Variants in RSPH14 observed in about 807,000 individuals in gnomAD.
The protein encoded by RSPH14 is rhabdoid tumor deletion region gene 1.
A neutral mutation model predicts 26.7 loss-of-function variants in RSPH14; 20 were observed. That is an observed-to-expected ratio of 0.75 (90% CI 0.53 to 1.09). The LOEUF (loss-of-function observed/expected upper bound fraction) is 1.09. Ranked by LOEUF, RSPH14 falls within the 50% of genes least tolerant of loss-of-function variation. The pLI, the probability that RSPH14 is intolerant of heterozygous loss-of-function variation, is 0.00. For synonymous variants in RSPH14, 177 were observed against 189.3 expected (o/e 0.93, Z 0.53); for missense variants, 449 against 457.2 (o/e 0.98, Z 0.16).
the RSPH14 span, among the ~76,000 whole-genome samples, chr22:23,178,446 G>A: frequency 2.6e-4 from 40 of 151,868 alleles, no homozygotes; most frequent in Middle Eastern, 3.4e-3. Context: ...CACTGAGGAT[G>A]AGAGCACTGC....
intron 2 of RSPH14, among the ~76,000 whole-genome samples, chr22:23,139,669 T>C (rs2070555217): frequency 6.6e-6 from 1 of 152,232 alleles, no homozygotes; most frequent in Admixed American, 6.5e-5. Flanking sequence ...TTTATTTATT[T>C]ATTGGGCAAC....
chr22:23,064,402 G>C (rs2068159992), intron 4 of RSPH14, among the ~76,000 whole-genome samples: 1 of 152,162 alleles, frequency 6.6e-6, no homozygotes, highest in South Asian at 2.1e-4. Context: ...TGTCTCAGGG[G>C]GCATCTACCA....
intron 4 of RSPH14, among the ~76,000 whole-genome samples, chr22:23,074,459 T>A (rs1299291613): frequency 1.3e-5 from 2 of 152,198 alleles, no homozygotes; most frequent in East Asian, 3.9e-4. Flanking sequence ...AAAAACCCAT[T>A]CTGGAGAGGT....
At chr22:23,062,728 C>A (rs183263939) in intron 5 of RSPH14, among the ~76,000 whole-genome samples, 5 of 152,238 alleles carry the variant, frequency 3.3e-5, no homozygotes, top group African/African-American at 1.2e-4. Context: ...TGGGCCTCAA[C>A]CCCGAAGCCC....
upstream of RSPH14, among the ~76,000 whole-genome samples, chr22:23,142,941 G>A (rs1251415587): frequency 1.3e-5 from 2 of 152,116 alleles, no homozygotes; most frequent in African/African-American, 2.4e-5. Context: ...ATGCCACCTC[G>A]CTCATGAAGC....
upstream of RSPH14, among the ~76,000 whole-genome samples, chr22:23,149,745 G>A (rs527629487): frequency 6.6e-5 from 10 of 152,284 alleles, no homozygotes; most frequent in African/African-American, 9.6e-5. Flanking sequence ...AGCTCCACTC[G>A]TCTCGCCCTG....
intron 1 of RSPH14, 89 bp from the exon 2 acceptor site, chr22:23,140,561 T>C: frequency 1.5e-6 from 2 of 1,364,866 alleles, no homozygotes; most frequent in Non-Finnish European, 1.9e-6. Flanking sequence ...GGCAGGCAAA[T>C]GGGTATTTTT....
At chr22:23,110,578 A>G (rs1053097725) in intron 4 of RSPH14, among the ~76,000 whole-genome samples, 2 of 152,164 alleles carry the variant, frequency 1.3e-5, no homozygotes, top group Non-Finnish European at 2.9e-5. Context: ...CCACCACCTG[A>G]GCAGATGGGC....
Position 23,141,972 on chromosome 22 carries a change from TCCAGTAGC to T in RSPH14, c.-84_-77del. 1 of 985,586 alleles carries T rather than the reference TCCAGTAGC, an allele frequency of 1.0e-6. No homozygotes were observed. The highest frequency in any genetic ancestry group is 1.2e-6 in the Non-Finnish European group (1 of 830,078). The allele number at this position is 985,586 out of a possible 1,614,324, so 61.1% of individuals were successfully genotyped here. On this transcript the variant is annotated 5_prime_UTR_variant, in exon 1 of 7. Transcript: ENST00000216036. ...ACCTGCCTCCGCAGCCCTTTCTGCTTCCAGTAGCCCGCGCCACTGGCCAACCTATTCAG... is the reference window on the plus strand; with the variant it reads ...ACCTGCCTCCGCAGCCCTTTCTGCTTCCGCGCCACTGGCCAACCTATTCAG...
intron 4 of RSPH14, among the ~76,000 whole-genome samples, chr22:23,108,839 G>C (rs1020591769): frequency 6.6e-6 from 1 of 152,242 alleles, no homozygotes; most frequent in Non-Finnish European, 1.5e-5. Context: ...GAGAGGTGGT[G>C]TCCCTATTTG....
Position 23,067,236 on chromosome 22 carries a change from C to T in RSPH14, c.422-3103G>A, listed in dbSNP as rs188614958. On this transcript the variant is annotated intron_variant, in intron 4 of 6. Coordinates refer to ENST00000216036, the MANE Select transcript of RSPH14 (RefSeq NM_014433.3). ...TCATTTTCTTTGTGGTGGGGCAGGGCGGGTGCTGACACCATGTTGAGGGGC... is the reference window on the plus strand; with the variant it reads ...TCATTTTCTTTGTGGTGGGGCAGGGTGGGTGCTGACACCATGTTGAGGGGC... Among the ~76,000 whole-genome samples, 195 of 152,190 alleles carry T rather than the reference C, an allele frequency of 1.3e-3. 1 individual carries two copies. The highest frequency in any genetic ancestry group is 4.5e-3 in the African/African-American group (187 of 41,506).
chr22:23,105,611 G>A (rs1275180939), intron 4 of RSPH14, among the ~76,000 whole-genome samples: 1 of 152,228 alleles, frequency 6.6e-6, no homozygotes, highest in Non-Finnish European at 1.5e-5. Flanking sequence ...GGATCCTCTG[G>A]AGCTGAAACT....
At chr22:23,104,109 G>T (rs1381147911) in intron 4 of RSPH14, among the ~76,000 whole-genome samples, 1 of 152,014 alleles carries the variant, frequency 6.6e-6, no homozygotes, top group African/African-American at 2.4e-5. Context: ...CAAGGCTGTG[G>T]GGGAGCAGTG....
rs886248628 is a variant in RSPH14, at chr22:23,110,862, G to C, written c.421+23164C>G. ...GACCCAAGGGCCCACCACACTCTGA[G>C]GCTGGCGAGCACACGGGGCAACTCA... On this transcript the variant is annotated intron_variant, in intron 4 of 6. Coordinates refer to ENST00000216036, the MANE Select transcript of RSPH14 (RefSeq NM_014433.3). Among the ~76,000 whole-genome samples the C allele has an allele frequency of 2.6e-5, 4 of 152,328 alleles. No individual in the cohort carries two copies. The South Asian group carries it at 8.3e-4, about 32-fold the overall frequency.
chr22:23,064,137 C>A lies in RSPH14; in HGVS notation c.422-4G>T, dbSNP rs767960534. 3.7e-6 allele frequency: 6 copies of A among 1,614,014 alleles called. No homozygotes were observed. The highest frequency in any genetic ancestry group is 5.1e-6 in the Non-Finnish European group (6 of 1,179,956). ...TTGCTGATGATCTCTTGGGCCCCTACAAGGCAGGAAAGGGCACTGAGGGCG... is the reference window on the plus strand; with the variant it reads ...TTGCTGATGATCTCTTGGGCCCCTAAAAGGCAGGAAAGGGCACTGAGGGCG... On this transcript the variant is annotated splice_region_variant and splice_polypyrimidine_tract_variant and intron_variant, in intron 4 of 6. Transcript: ENST00000216036.
chr22:23,180,019 C>A, the RSPH14 span: 1 of 363,716 alleles, frequency 2.7e-6, no homozygotes, highest in South Asian at 3.5e-5. Flanking sequence ...TGGGCAGTGC[C>A]GGTGACGCTT....
chr22:23,112,515 CTG>C (rs1413358840), intron 4 of RSPH14, among the ~76,000 whole-genome samples: 2 of 152,158 alleles, frequency 1.3e-5, no homozygotes. Flanking sequence ...CACAGCAGGT[CTG>C]TGGCCACGGC....
chr22:23,069,577 A>T (rs562916185), intron 4 of RSPH14, among the ~76,000 whole-genome samples: 6 of 152,236 alleles, frequency 3.9e-5, no homozygotes, highest in African/African-American at 1.4e-4. Context: ...GCCTTAACTG[A>T]ACTGGCTCTC....
chr22:23,061,685 G>T, intron 6 of RSPH14, 124 bp downstream of exon 6: 6 of 994,548 alleles, frequency 6.0e-6, no homozygotes, highest in South Asian at 1.7e-5. Flanking sequence ...CCAAGGGGAG[G>T]TTTTTTTTTT....
Sources: allele counts gnomAD v4.1 joint callset (sites outside exome capture counted in the v4.1 genomes callset), GRCh38; gene constraint gnomAD v4.1.1; transcripts MANE v1.5; gene names NCBI Gene and HGNC (gene_info 2026-07-23, HGNC 2026-07-21).